The following OSCP1 variants were observed in gnomAD, a reference collection of about 807,000 sequenced individuals.
The protein encoded by OSCP1 is protein OSCP1.
A neutral mutation model predicts 45.1 loss-of-function variants in OSCP1; 35 were observed. The ratio of observed to expected loss-of-function variants is 0.78; its 90% CI spans 0.59 to 1.03. The LOEUF (loss-of-function observed/expected upper bound fraction) is 1.03. OSCP1 is among the 50% of genes least tolerant of loss of function. The pLI is 0.00. For synonymous variants in OSCP1, 179 were observed against 180.1 expected, an observed-to-expected ratio of 0.99 and a Z score of 0.05; for missense variants, 400 against 470.7, an observed-to-expected ratio of 0.85 and a Z score of 1.39.
chr1:36,429,164 T>C (rs919515063), intron 4 of OSCP1, among the ~76,000 whole-genome samples: 2 of 152,044 alleles, frequency 1.3e-5, no homozygotes, highest in Non-Finnish European at 2.9e-5. Context: ...GGCAGGCAGA[T>C]TGCTTGAGCT....
intron 1 of OSCP1, among the ~76,000 whole-genome samples, chr1:36,449,425 TTA>T (rs1491260067): frequency 5.6e-5 from 7 of 125,474 alleles, no homozygotes; most frequent in African/African-American, 1.3e-4. Context: ...TATAACTTTC[TTA>T]TTTTTTTCAT....
In OSCP1 at chr1:36,450,434, A is replaced by G. The variant is rs1374715003; in HGVS notation, c.-65T>C. ...TTCGGTAGCCAGTGGCCTGAAGGCC[A>G]GGCCGCAGCGTCCCAATAGTCCGGT... On this transcript the variant is annotated 5_prime_UTR_variant, in exon 1 of 10. Transcript: ENST00000235532. The G allele has an allele frequency of 3.0e-6, 4 of 1,348,462 alleles. No individual in the cohort carries two copies. The highest frequency in any genetic ancestry group is 3.5e-5 in the Admixed American group (2 of 57,224). The allele number at this position is 1,348,462 out of a possible 1,614,324, so 83.5% of individuals were successfully genotyped here. A position where few individuals can be genotyped will look rare whatever the true frequency, so the allele number is the denominator to read the frequency against.
chr1:36,432,960 G>A (rs908808117), intron 2 of OSCP1, among the ~76,000 whole-genome samples: 2 of 152,178 alleles, frequency 1.3e-5, no homozygotes, highest in African/African-American at 2.4e-5. Context: ...CTAACTTATT[G>A]TATAACCTTG....
rs748219697 is a variant in OSCP1, at chr1:36,418,225, T to C, written c.1054A>G (p.Ile352Val). Residue 352 changes from isoleucine (I) to valine (V), a missense_variant, in exon 10 of 10, where the codon ATC becomes GTC. Ile to Val is a conservative substitution (Grantham distance 29). Coordinates refer to ENST00000235532, the MANE Select transcript of OSCP1 (RefSeq NM_145047.5). ...TCCGTGATCTCAAACTCCCCCATGA[T>C]TCGAGCCAGCTCCTCGCTCCGTTGC... ...DQQRSEELAR[I>V]MGEFEITEQP... 8 of 1,614,202 alleles carry C rather than the reference T, an allele frequency of 5.0e-6. No homozygotes were observed. The highest frequency in any genetic ancestry group is 6.8e-6 in the Non-Finnish European group (8 of 1,180,038).
At chr1:36,438,621 C>T (rs1052538472) in intron 2 of OSCP1, 135 bp downstream of exon 2, 94 of 1,046,554 alleles carry the variant, frequency 9.0e-5, no homozygotes, top group Non-Finnish European at 1.2e-4. Flanking sequence ...TGAAACTCAA[C>T]AACTACTAGT....
chr1:36,429,014 ATCC>A (rs957712919), intron 4 of OSCP1, among the ~76,000 whole-genome samples: 7 of 152,152 alleles, frequency 4.6e-5, no homozygotes, highest in African/African-American at 1.7e-4. Flanking sequence ...GGCTGAAGTG[ATCC>A]TCCTGCCTCA....
At chr1:36,434,466 C>G (rs920419899) in intron 2 of OSCP1, among the ~76,000 whole-genome samples, 5 of 152,130 alleles carry the variant, frequency 3.3e-5, no homozygotes, top group Non-Finnish European at 7.3e-5. Flanking sequence ...ACCAGAATAG[C>G]TAGCCAGATG....
At chr1:36,444,084 AT>A in intron 1 of OSCP1, 1 of 1,569,778 alleles carries the variant, frequency 6.4e-7, no homozygotes, top group Non-Finnish European at 8.8e-7. Context: ...CAAGAACATT[AT>A]TTTCAAGGAG....
At chr1:36,422,718 T>A in intron 6 of OSCP1, 50 bp downstream of exon 6, 1 of 1,415,306 alleles carries the variant, frequency 7.1e-7, no homozygotes. Context: ...TTTTTTTAAA[T>A]GAAGTGACCT....
intron 8 of OSCP1, chr1:36,420,259 A>C: frequency 1.9e-6 from 1 of 529,532 alleles, no homozygotes; most frequent in South Asian, 2.8e-5. Context: ...TACGGGCGTG[A>C]GCCACTGCAC....
At chr1:36,442,800 A>AT (rs371808262) in intron 1 of OSCP1, among the ~76,000 whole-genome samples, 3 of 150,682 alleles carry the variant, frequency 2.0e-5, no homozygotes, top group African/African-American at 4.9e-5. Context: ...TATTATCCTC[A>AT]TTTTTTTTTC....
intron 8 of OSCP1, among the ~76,000 whole-genome samples, chr1:36,419,677 G>A (rs913474961): frequency 6.6e-6 from 1 of 152,152 alleles, no homozygotes; most frequent in African/African-American, 2.4e-5. Context: ...GGGTTATACT[G>A]TCTAATACAG....
chr1:36,443,052 C>T (rs1649298370), intron 1 of OSCP1, among the ~76,000 whole-genome samples: 2 of 152,146 alleles, frequency 1.3e-5, no homozygotes, highest in African/African-American at 4.8e-5. Context: ...CAACCTCTGC[C>T]TCCCAGGTTC....
chr1:36,442,335 C>T (rs1478999140), intron 1 of OSCP1, among the ~76,000 whole-genome samples: 2 of 151,826 alleles, frequency 1.3e-5, no homozygotes, highest in Admixed American at 1.3e-4. Flanking sequence ...GTCCTGGGTT[C>T]AGATTATGAA....
chr1:36,436,394 G>A (rs1353612143), intron 2 of OSCP1, among the ~76,000 whole-genome samples: 2 of 152,080 alleles, frequency 1.3e-5, no homozygotes, highest in Non-Finnish European at 2.9e-5. Flanking sequence ...ACAGGCGTGA[G>A]CCACCGCGCC....
intron 1 of OSCP1, 89 bp from the exon 2 acceptor site, chr1:36,438,999 C>A: frequency 1.4e-6 from 2 of 1,427,330 alleles, no homozygotes; most frequent in South Asian, 1.3e-5. Flanking sequence ...AGGAGCTGAG[C>A]GTGTACAGTA....
chr1:36,435,437 G>A (rs1229190177), intron 2 of OSCP1, among the ~76,000 whole-genome samples: 1 of 151,870 alleles, frequency 6.6e-6, no homozygotes, highest in Non-Finnish European at 1.5e-5. Flanking sequence ...GTGAGCTACT[G>A]TGCTCAGTCT....
At chr1:36,424,069 C>A (rs1488163969) in intron 4 of OSCP1, among the ~76,000 whole-genome samples, 1 of 152,056 alleles carries the variant, frequency 6.6e-6, no homozygotes, top group Non-Finnish European at 1.5e-5. Flanking sequence ...TCATAGCCCC[C>A]AAGTAGCTGG....
At position 36,430,898 on chromosome 1, in the gene OSCP1, G is replaced by T. The variant is rs747578083; in HGVS notation, c.516+904C>A. 2.6e-5 allele frequency among the ~76,000 whole-genome samples: 4 copies of T among 152,136 alleles called. No individual in the cohort carries two copies. In the South Asian group the frequency reaches 8.3e-4, roughly 31 times the overall value. On this transcript the variant is annotated intron_variant, in intron 4 of 9. Transcript: ENST00000235532. Reference sequence around the variant, plus strand: ...TCAAACTCCTGACCTCAGGTGATCTGCCCACCTTGTCCTCCCAATGTGCTG... The same window carrying T: ...TCAAACTCCTGACCTCAGGTGATCTTCCCACCTTGTCCTCCCAATGTGCTG...
Sources: gnomAD v4.1 joint callset for allele counts (sites outside exome capture counted in the v4.1 genomes callset) on GRCh38, gnomAD v4.1.1 for gene constraint, MANE v1.5 for transcripts, NCBI Gene and HGNC (gene_info 2026-07-23, HGNC 2026-07-21) for gene names.